Variants in AGBL3 observed in about 807,000 individuals in gnomAD.
The protein encoded by AGBL3 is AGBL carboxypeptidase 3, also known as cytosolic carboxypeptidase 3.
A neutral mutation model predicts 94.5 loss-of-function variants in AGBL3; 68 were observed. The ratio of observed to expected loss-of-function variants is 0.72; its 90% CI spans 0.59 to 0.88. The LOEUF is 0.88. AGBL3 is among the 40% of genes least tolerant of loss of function. AGBL3 has a pLI of 0.00. For synonymous variants in AGBL3, 354 were observed against 370.7 expected (o/e 0.95, Z 0.52); for missense variants, 934 against 1,103.8 (o/e 0.85, Z 2.18).
At chr7:135,114,037 TC>T (rs1825986569) in intron 15 of AGBL3, among the ~76,000 whole-genome samples, 1 of 152,244 alleles carries the variant, frequency 6.6e-6, no homozygotes, top group Non-Finnish European at 1.5e-5. Flanking sequence ...AGTATTTCCT[TC>T]CTTTTTAAGA....
rs756567736 is a variant in AGBL3, at chr7:135,032,877, T to G, written c.452T>G (p.Val151Gly). 3 of 1,550,414 alleles carry G rather than the reference T, an allele frequency of 1.9e-6. No individual in the cohort carries two copies. Among genetic ancestry groups the G allele is most frequent in the Non-Finnish European group, 2.6e-6 (3 of 1,146,530 alleles). ...GAGCCCTGTTTTGTGTATTCCCGAG[T>G]TGGGGGTAACCGAACACCTTTGAAG... ...YKEPCFVYSR[V>G]GGNRTPLKQP... is the part of the protein sequence containing the mutation. The change falls in exon 6 of 17, where the codon GTT (valine) becomes GGT (glycine). Residue 151 changes from valine to glycine, a missense_variant. By Grantham distance (109) the Val-to-Gly change is moderately radical. Around this residue, in one of 3 missense-constraint regions of AGBL3, gnomAD observed 488 missense variants for 563.6 expected, o/e 0.87. Coordinates refer to ENST00000436302, the MANE Select transcript of AGBL3 (RefSeq NM_178563.4).
intron 12 of AGBL3, among the ~76,000 whole-genome samples, chr7:135,060,710 T>C (rs1818758401): frequency 6.6e-6 from 1 of 152,180 alleles, no homozygotes; most frequent in African/African-American, 2.4e-5. Context: ...TCATCTATAT[T>C]ACTCCAAGTG....
chr7:135,044,247 T>C (rs953460779), intron 9 of AGBL3, 96 bp downstream of exon 9: 22 of 1,200,158 alleles, frequency 1.8e-5, no homozygotes, highest in African/African-American at 3.1e-5. Flanking sequence ...AGTACTTTCT[T>C]CCTATTTAAA....
chr7:135,128,748 C>A, intron 16 of AGBL3: 3 of 1,369,304 alleles, frequency 2.2e-6, no homozygotes, highest in Non-Finnish European at 3.1e-6. Flanking sequence ...CAGCTCAAGC[C>A]TCTCCCAACA....
At chr7:135,057,103 A>G (rs1818407877) in intron 11 of AGBL3, among the ~76,000 whole-genome samples, 1 of 152,162 alleles carries the variant, frequency 6.6e-6, no homozygotes, top group African/African-American at 2.4e-5. Flanking sequence ...GCTGACAAAT[A>G]TAGTCAATGG....
chr7:135,033,035 T>C, intron 6 of AGBL3, 53 bp downstream of exon 6: 1 of 1,449,742 alleles, frequency 6.9e-7, no homozygotes, highest in Non-Finnish European at 9.1e-7. Flanking sequence ...TATTATTTTC[T>C]GTATCAAGTA....
At chr7:135,049,448 T>C (rs1044389224) in intron 11 of AGBL3, among the ~76,000 whole-genome samples, 8 of 151,986 alleles carry the variant, frequency 5.3e-5, no homozygotes, top group Non-Finnish European at 7.4e-5. Context: ...CTAAAATGAA[T>C]TGAAAGTTCA....
At chr7:135,027,377 TTTTG>T (rs1815264099) in intron 5 of AGBL3, among the ~76,000 whole-genome samples, 1 of 151,396 alleles carries the variant, frequency 6.6e-6, no homozygotes. Flanking sequence ...TTATACCTTT[TTTTG>T]TTTGTTTTAA....
At chr7:135,020,020 A>AG (rs1323058343) in intron 5 of AGBL3, among the ~76,000 whole-genome samples, 1 of 152,236 alleles carries the variant, frequency 6.6e-6, no homozygotes, top group Non-Finnish European at 1.5e-5. Context: ...TTCATGTCTA[A>AG]AACACCAAAA....
chr7:135,030,158 TAAAAAAA>T (rs74392929), intron 5 of AGBL3, among the ~76,000 whole-genome samples: 4 of 117,424 alleles, frequency 3.4e-5, no homozygotes, highest in Non-Finnish European at 7.3e-5. Context: ...TTTAATTTGT[TAAAAAAA>T]AAAAAAAAAA....
intron 8 of AGBL3, among the ~76,000 whole-genome samples, chr7:135,038,743 C>T (rs568529286): frequency 9.2e-5 from 14 of 152,230 alleles, no homozygotes; most frequent in African/African-American, 3.1e-4. Flanking sequence ...GGGTGGATCA[C>T]GAGGTCAGGA....
intron 4 of AGBL3, among the ~76,000 whole-genome samples, chr7:134,997,367 G>T (rs765592541): frequency 3.3e-5 from 5 of 152,166 alleles, no homozygotes; most frequent in Non-Finnish European, 5.9e-5. Flanking sequence ...ATGCGGCAGG[G>T]TCCAGATGAG....
intron 8 of AGBL3, 107 bp from the exon 9 acceptor site, chr7:135,043,918 T>C: frequency 1.5e-6 from 2 of 1,359,664 alleles, no homozygotes; most frequent in Non-Finnish European, 1.9e-6. Context: ...GAAGCTTTAG[T>C]GAGAATTATA....
At chr7:135,001,676 C>G (rs1811734568) in intron 4 of AGBL3, among the ~76,000 whole-genome samples, 1 of 152,058 alleles carries the variant, frequency 6.6e-6, no homozygotes, top group African/African-American at 2.4e-5. Flanking sequence ...TCTTTCATGA[C>G]TCATGTTATT....
chr7:135,035,003 T>C (rs1184487960), intron 7 of AGBL3, 75 bp downstream of exon 7: 1 of 1,279,888 alleles, frequency 7.8e-7, no homozygotes, highest in Non-Finnish European at 1.0e-6. Context: ...CACAATCTCA[T>C]TCATTTTACT....
intron 4 of AGBL3, chr7:135,012,176 T>A (rs1459770724): frequency 6.6e-6 from 1 of 152,176 alleles, no homozygotes; most frequent in Non-Finnish European, 1.5e-5. Context: ...GATTTTAATT[T>A]TATAAAGTTC....
chr7:135,109,227 T>A (rs1278721830), intron 15 of AGBL3, among the ~76,000 whole-genome samples: 11 of 152,234 alleles, frequency 7.2e-5, no homozygotes, highest in Admixed American at 7.2e-4. Context: ...GGAGAACTGA[T>A]GCAGTCATTT....
In AGBL3 at chr7:135,127,389, T is replaced by C. The variant is rs149468171; in HGVS notation, c.2343-7452T>C. ...GGCCAACATGAAACCCCATCTCTAC[T>C]AAAATACAAAAAATTAGCCGGGGTG... On this transcript the variant is annotated intron_variant, in intron 16 of 16. Transcript: ENST00000436302. 3.2e-4 allele frequency among the ~76,000 whole-genome samples: 49 copies of C among 151,658 alleles called. 1 individual carries two copies. The East Asian group carries it at 7.6e-3, about 23-fold the overall frequency.
chr7:135,078,520 A>C (rs1321465614), intron 13 of AGBL3, among the ~76,000 whole-genome samples: 1 of 152,016 alleles, frequency 6.6e-6, no homozygotes, highest in Non-Finnish European at 1.5e-5. Context: ...TTTTTAATGT[A>C]TATATTGCAA....
Sources: allele counts gnomAD v4.1 joint callset (sites outside exome capture counted in the v4.1 genomes callset), GRCh38; gene constraint gnomAD v4.1.1; regional missense constraint gnomAD v4.1.1; transcripts MANE v1.5; gene names NCBI Gene and HGNC (gene_info 2026-07-23, HGNC 2026-07-21).